NEBL: variants seen among roughly 807,000 people sequenced by gnomAD.
The protein encoded by NEBL is nebulette, also known as LIM and SH3 protein 2.
Under a neutral mutation model 140.2 loss-of-function variants are expected in NEBL, and 122 were observed. The ratio of observed to expected loss-of-function variants is 0.87; its 90% confidence interval spans 0.75 to 1.01. The LOEUF (loss-of-function observed/expected upper bound fraction) is 1.01, where lower values mean the gene tolerates loss of function less well. Among genes scored for constraint, NEBL ranks in the 50% least tolerant of loss-of-function variants. The probability of loss-of-function intolerance (pLI) is 0.00; values close to 1 mark genes in which losing one functional copy is unlikely to be tolerated. For synonymous variants in NEBL, 436 were observed against 398.9 expected, an observed-to-expected ratio of 1.09 and a Z score of -1.11; for missense variants, 1,365 against 1,231.3, an observed-to-expected ratio of 1.11 and a Z score of -1.62.
chr10:21,220,426 A>C lies in NEBL; in HGVS notation n.348+27495T>G, dbSNP rs73609238. ...GACAATCTTGACAATAAATGGTGTTAAGGAAACTAGATATCCACATGCAGA... is the reference window on the plus strand; with the variant it reads ...GACAATCTTGACAATAAATGGTGTTCAGGAAACTAGATATCCACATGCAGA... On this transcript the variant is annotated intron_variant and non_coding_transcript_variant, in intron 3 of 8. Transcript: ENST00000675702. Among the ~76,000 whole-genome samples, 989 of 152,354 alleles carry C rather than the reference A, an allele frequency of 6.5e-3. 9 individuals are homozygous for C. The highest frequency in any genetic ancestry group is 0.021 in the African/African-American group (891 of 41,580).
chr10:21,234,709 T>C (rs934811701), intron 3 of NEBL, among the ~76,000 whole-genome samples: 2 of 152,064 alleles, frequency 1.3e-5, no homozygotes, highest in Admixed American at 6.6e-5. Context: ...GGATCAGAAA[T>C]CTGGCTTCCT....
Position 21,227,728 on chromosome 10 carries a change from T to C in NEBL, n.348+20193A>G, listed in dbSNP as rs1245302397. Among the ~76,000 whole-genome samples, 15 of 135,234 alleles carry C rather than the reference T, an allele frequency of 1.1e-4. No homozygotes were observed. In the South Asian group the frequency reaches 3.5e-3, roughly 32 times the overall value. The allele number at this position is 135,234 out of a possible 152,430, so 88.7% of individuals were successfully genotyped here. ...TCTTCTTCTTTCTTCTTCTTCTTCTTCTTCTTCTTCTTCTTCTTCTTCTTC... is the reference window on the plus strand; with the variant it reads ...TCTTCTTCTTTCTTCTTCTTCTTCTCCTTCTTCTTCTTCTTCTTCTTCTTC... On this transcript the variant is annotated intron_variant and non_coding_transcript_variant, in intron 3 of 8. Coordinates refer to the NEBL transcript ENST00000675702.
chr10:21,256,095 T>TC (rs1411407799), intron 1 of NEBL, among the ~76,000 whole-genome samples: 2 of 152,032 alleles, frequency 1.3e-5, no homozygotes, highest in Non-Finnish European at 2.9e-5. Flanking sequence ...GGGGATTGAG[T>TC]CTTGCTCTCT....
intron 27 of NEBL, among the ~76,000 whole-genome samples, chr10:20,786,887 C>T (rs1835457284): frequency 6.6e-6 from 1 of 152,158 alleles, no homozygotes; most frequent in Non-Finnish European, 1.5e-5. Flanking sequence ...ATCAAATATC[C>T]ATGCTCCTAA....
rs536921823 is a variant in NEBL, at chr10:21,139,464, C to T, written c.164+32919G>A. Among the ~76,000 whole-genome samples the T allele has an allele frequency of 5.9e-5, 9 of 152,240 alleles. No homozygotes were observed. In the South Asian group the frequency reaches 8.3e-4, roughly 14 times the overall value. On this transcript the variant is annotated intron_variant, in intron 2 of 6. Coordinates refer to the NEBL transcript ENST00000417816. The stretch of plus-strand genomic sequence containing the variant: ...AAAGAAGAACATAAGGATATCAACC[C>T]AGGAGACCAAGGTTGAAAATCCATC...
intron 3 of NEBL, among the ~76,000 whole-genome samples, chr10:21,195,674 C>G (rs952467490): frequency 6.6e-6 from 1 of 152,160 alleles, no homozygotes; most frequent in African/African-American, 2.4e-5. Flanking sequence ...CCCTCTCTCT[C>G]CTTAGAGTTT....
At chr10:21,126,774 A>G (rs1393863314) in intron 2 of NEBL, among the ~76,000 whole-genome samples, 1 of 151,886 alleles carries the variant, frequency 6.6e-6, no homozygotes, top group Non-Finnish European at 1.5e-5. Context: ...GGACTTTGAG[A>G]CCACCCTGAC....
At chr10:21,009,759 G>GC (rs1838264588) in intron 3 of NEBL, among the ~76,000 whole-genome samples, 1 of 152,088 alleles carries the variant, frequency 6.6e-6, no homozygotes, top group South Asian at 2.1e-4. Flanking sequence ...CTTTTGCAAG[G>GC]CCCCCAGAGA....
At chr10:20,816,125 AT>A (rs1467237972) in intron 21 of NEBL, among the ~76,000 whole-genome samples, 2 of 152,150 alleles carry the variant, frequency 1.3e-5, no homozygotes, top group Non-Finnish European at 2.9e-5. Context: ...TACAAAAAAT[AT>A]TTTCAGAGGT....
intron 3 of NEBL, among the ~76,000 whole-genome samples, chr10:20,982,812 A>G (rs1161340163): frequency 6.6e-6 from 1 of 152,128 alleles, no homozygotes; most frequent in Non-Finnish European, 1.5e-5. Context: ...AGTAATGTCT[A>G]TTAAAAGGGA....
chr10:21,109,587 T>A (rs1434338221), intron 2 of NEBL, among the ~76,000 whole-genome samples: 1 of 152,140 alleles, frequency 6.6e-6, no homozygotes, highest in Non-Finnish European at 1.5e-5. Context: ...CCATCTCCTC[T>A]TTGTATCTTT....
chr10:21,131,747 T>C (rs976376395), intron 2 of NEBL, among the ~76,000 whole-genome samples: 1 of 146,618 alleles, frequency 6.8e-6, no homozygotes, highest in Non-Finnish European at 1.5e-5. Context: ...AGTTATTTCC[T>C]CCAACCACAA....
At chr10:21,082,018 G>C (rs1325928521) in intron 2 of NEBL, among the ~76,000 whole-genome samples, 5 of 152,120 alleles carry the variant, frequency 3.3e-5, no homozygotes, top group Non-Finnish European at 7.4e-5. Context: ...ACATCACCAG[G>C]TTTGGTGCCA....
At chr10:20,946,026 G>A (rs939216071) in intron 4 of NEBL, among the ~76,000 whole-genome samples, 5 of 152,152 alleles carry the variant, frequency 3.3e-5, no homozygotes, top group African/African-American at 4.8e-5. Flanking sequence ...AAGATGGCCC[G>A]ACACACAAGA....
intron 2 of NEBL, among the ~76,000 whole-genome samples, chr10:21,129,834 C>T (rs10828195): frequency 2.0e-5 from 3 of 151,512 alleles, no homozygotes; most frequent in Admixed American, 1.3e-4. Context: ...GACAGAGAAA[C>T]GAAAGAACAA....
At position 21,044,063 on chromosome 10, in the gene NEBL, A is replaced by G. The variant is rs554690213; in HGVS notation, c.165-23862T>C. On this transcript the variant is annotated intron_variant, in intron 2 of 6. Coordinates refer to the NEBL transcript ENST00000417816. ...ATATTATTTCAGAGGAACATTCCCT[A>G]AACAATGCTCCATGGAACACAGATT... Among the ~76,000 whole-genome samples the G allele has an allele frequency of 3.3e-5, 5 of 152,286 alleles. No homozygotes were observed. The East Asian group carries it at 9.7e-4, about 29-fold the overall frequency.
At chr10:21,075,425 G>T (rs1463340117) in intron 2 of NEBL, among the ~76,000 whole-genome samples, 2 of 152,066 alleles carry the variant, frequency 1.3e-5, no homozygotes, top group Admixed American at 1.3e-4. Flanking sequence ...ACCTAAGAGG[G>T]GCTCCACCAC....
intron 24 of NEBL, among the ~76,000 whole-genome samples, chr10:20,811,693 TA>T (rs1188594913): frequency 6.6e-6 from 1 of 152,218 alleles, no homozygotes; most frequent in African/African-American, 2.4e-5. Flanking sequence ...AAATTTAGCT[TA>T]TCTCTAAATG....
At chr10:20,879,909 T>C (rs1440562209) in intron 5 of NEBL, among the ~76,000 whole-genome samples, 2 of 152,182 alleles carry the variant, frequency 1.3e-5, no homozygotes, top group Admixed American at 6.5e-5. Context: ...AGCAAATGCA[T>C]GCAAACCTTG....
Sources: allele counts gnomAD v4.1 joint callset (sites outside exome capture counted in the v4.1 genomes callset), GRCh38; gene constraint gnomAD v4.1.1; transcripts MANE v1.5; gene names NCBI Gene and HGNC (gene_info 2026-07-23, HGNC 2026-07-21).